Variants in ARHGAP26 observed in about 807,000 individuals in gnomAD.
The protein encoded by ARHGAP26 is rho GTPase-activating protein 26.
ARHGAP26 carries 38 observed loss-of-function variants against 104.8 expected under a neutral mutation model. That is an observed-to-expected ratio of 0.36 (90% CI 0.28 to 0.48). The LOEUF (loss-of-function observed/expected upper bound fraction) is 0.48. ARHGAP26 is among the 20% of genes least tolerant of loss of function. The probability of loss-of-function intolerance (pLI) is 0.99; values close to 1 mark genes in which losing one functional copy is unlikely to be tolerated. For synonymous variants in ARHGAP26, 341 were observed against 340.0 expected (o/e 1.00, Z -0.03); for missense variants, 704 against 947.9 (o/e 0.74, Z 3.38).
At chr5:142,984,984 A>G (rs1385936178) in intron 11 of ARHGAP26, among the ~76,000 whole-genome samples, 3 of 152,010 alleles carry the variant, frequency 2.0e-5, no homozygotes, top group East Asian at 3.8e-4. Flanking sequence ...AGAAGAATGC[A>G]TTGTTATCAT....
At chr5:143,022,343 G>A (rs570090467) in intron 12 of ARHGAP26, among the ~76,000 whole-genome samples, 5 of 152,334 alleles carry the variant, frequency 3.3e-5, no homozygotes, top group East Asian at 1.9e-4. Context: ...AAAGTGTTGG[G>A]ATTACAGGCA....
chr5:143,007,452 G>A (rs540500408), intron 11 of ARHGAP26, among the ~76,000 whole-genome samples: 2 of 152,286 alleles, frequency 1.3e-5, no homozygotes, highest in East Asian at 3.9e-4. Context: ...AAATTGGGTG[G>A]AAATTTTGTT....
Position 143,077,909 on chromosome 5 carries a change from C to G in ARHGAP26, c.1538+20162C>G, listed in dbSNP as rs185397616. Among the ~76,000 whole-genome samples, 201 of 152,234 alleles carry G rather than the reference C, an allele frequency of 1.3e-3. 2 individuals are homozygous for G. The highest frequency in any genetic ancestry group is 4.7e-3 in the African/African-American group (195 of 41,532). On this transcript the variant is annotated intron_variant, in intron 17 of 22. Coordinates refer to ENST00000645722, the MANE Select transcript of ARHGAP26 (RefSeq NM_001135608.3). ...GATGCAGACTGAGCATATCTCCCCT[C>G]CCCCAACCCTGGTTTCCAGGAATCT...
At chr5:142,955,095 TACACACAC>T (rs11419144) in intron 11 of ARHGAP26, among the ~76,000 whole-genome samples, 1 of 52,620 alleles carries the variant, frequency 1.9e-5, no homozygotes, top group Non-Finnish European at 3.0e-5. Context: ...GAGACCTGTC[TACACACAC>T]ACACACACAC....
intron 1 of ARHGAP26, among the ~76,000 whole-genome samples, chr5:142,845,776 A>G (rs947243028): frequency 2.6e-5 from 4 of 152,158 alleles, no homozygotes; most frequent in East Asian, 3.8e-4. Context: ...CTTCAGGGAC[A>G]TGACTGACCC....
At chr5:142,892,109 A>G (rs1367859120) in intron 5 of ARHGAP26, among the ~76,000 whole-genome samples, 1 of 151,930 alleles carries the variant, frequency 6.6e-6, no homozygotes, top group Non-Finnish European at 1.5e-5. Context: ...GCTTGGAGTA[A>G]ACTGTTGTTC....
At chr5:143,091,277 C>T (rs1294039801) in intron 17 of ARHGAP26, among the ~76,000 whole-genome samples, 1 of 152,146 alleles carries the variant, frequency 6.6e-6, no homozygotes, top group Non-Finnish European at 1.5e-5. Flanking sequence ...CTTGAGTTTT[C>T]CTTCTTTCCA....
chr5:142,859,078 G>A (rs1752884096), intron 1 of ARHGAP26, among the ~76,000 whole-genome samples: 1 of 152,172 alleles, frequency 6.6e-6, no homozygotes, highest in Admixed American at 6.5e-5. Context: ...ATTTTGAGTG[G>A]GGTGGGAAGA....
At chr5:143,043,221 C>A (rs1783729468) in intron 14 of ARHGAP26, among the ~76,000 whole-genome samples, 1 of 152,188 alleles carries the variant, frequency 6.6e-6, no homozygotes, top group East Asian at 1.9e-4. Context: ...TGTGCCTAAC[C>A]CCTGGCGATC....
intron 17 of ARHGAP26, among the ~76,000 whole-genome samples, chr5:143,117,262 C>T (rs923773617): frequency 6.6e-6 from 1 of 152,178 alleles, no homozygotes; most frequent in Non-Finnish European, 1.5e-5. Context: ...GAACGAGTCC[C>T]GTGGCCTCTG....
intron 11 of ARHGAP26, among the ~76,000 whole-genome samples, chr5:142,940,653 A>G (rs1170903633): frequency 6.6e-6 from 1 of 152,186 alleles, no homozygotes; most frequent in Non-Finnish European, 1.5e-5. Flanking sequence ...ATGGCTGCAT[A>G]GTATTCCGTG....
intron 19 of ARHGAP26, among the ~76,000 whole-genome samples, chr5:143,144,892 T>C (rs889065053): frequency 6.6e-6 from 1 of 152,252 alleles, no homozygotes; most frequent in African/African-American, 2.4e-5. Context: ...ATCTTCTACC[T>C]AGATGTTCTC....
At chr5:142,973,141 T>C (rs1039202862) in intron 11 of ARHGAP26, among the ~76,000 whole-genome samples, 1 of 152,214 alleles carries the variant, frequency 6.6e-6, no homozygotes, top group Non-Finnish European at 1.5e-5. Context: ...CAGAGTGGGC[T>C]AGAACAAATG....
At chr5:142,913,853 C>T (rs1449300187) in intron 10 of ARHGAP26, among the ~76,000 whole-genome samples, 1 of 152,102 alleles carries the variant, frequency 6.6e-6, no homozygotes, top group Non-Finnish European at 1.5e-5. Context: ...TTGTATTCCT[C>T]GAGATTTATA....
Position 142,884,650 on chromosome 5 carries a change from C to T in ARHGAP26, c.385-648C>T, listed in dbSNP as rs565759553. Among the ~76,000 whole-genome samples, 4 of 152,178 alleles carry T rather than the reference C, an allele frequency of 2.6e-5. No homozygotes were observed. The South Asian group carries it at 8.3e-4, about 32-fold the overall frequency. ...TTGGATGTTCCGTACTTTAATTATGCCAAACGCTATCCTTGGAAGTGATGT... is the reference window on the plus strand; with the variant it reads ...TTGGATGTTCCGTACTTTAATTATGTCAAACGCTATCCTTGGAAGTGATGT... On this transcript the variant is annotated intron_variant, in intron 4 of 22. Transcript: ENST00000645722.
At chr5:142,970,186 G>A (rs556308618) in intron 11 of ARHGAP26, among the ~76,000 whole-genome samples, 67 of 152,282 alleles carry the variant, frequency 4.4e-4, no homozygotes, top group Middle Eastern at 3.4e-3. Context: ...TTCAGCACTC[G>A]TGAACCAGGC....
At chr5:142,938,921 G>C (rs1765844619) in intron 11 of ARHGAP26, among the ~76,000 whole-genome samples, 1 of 152,198 alleles carries the variant, frequency 6.6e-6, no homozygotes, top group South Asian at 2.1e-4. Context: ...AAGTTTTGAA[G>C]GTTGGCAGAT....
chr5:143,118,954 AAAG>A (rs1385997868), intron 17 of ARHGAP26, among the ~76,000 whole-genome samples: 2 of 152,060 alleles, frequency 1.3e-5, no homozygotes, highest in African/African-American at 2.4e-5. Flanking sequence ...AAAAAAAAAA[AAAG>A]AAAGAAGAAA....
intron 17 of ARHGAP26, among the ~76,000 whole-genome samples, chr5:143,085,044 CAAAAAAAAAAAAA>C (rs56852430): frequency 1.6e-5 from 1 of 61,650 alleles, no homozygotes; most frequent in Non-Finnish European, 3.6e-5. Flanking sequence ...GACTCCATCT[CAAAAAAAAAAAAA>C]AAAAAAAAAA....
Sources: gnomAD v4.1 joint callset for allele counts (sites outside exome capture counted in the v4.1 genomes callset) on GRCh38, gnomAD v4.1.1 for gene constraint, MANE v1.5 for transcripts, NCBI Gene and HGNC (gene_info 2026-07-23, HGNC 2026-07-21) for gene names.